Variants in CPED1 observed in about 807,000 individuals in gnomAD.
The protein encoded by CPED1 is cadherin-like and PC-esterase domain-containing protein 1.
Under a neutral mutation model 128.2 loss-of-function variants are expected in CPED1, and 114 were observed. The ratio of observed to expected loss-of-function variants is 0.89; its 90% confidence interval spans 0.76 to 1.04. The LOEUF is 1.04. CPED1 is among the 50% of genes least tolerant of loss of function. The pLI is 0.00. For synonymous variants in CPED1, 462 were observed against 426.7 expected (o/e 1.08, Z -1.02); for missense variants, 1,211 against 1,207.1 (o/e 1.00, Z -0.05).
At chr7:121,209,370 A>T (rs1445119894) in intron 16 of CPED1, among the ~76,000 whole-genome samples, 2 of 152,066 alleles carry the variant, frequency 1.3e-5, no homozygotes, top group African/African-American at 4.8e-5. Flanking sequence ...TCAGGAAATT[A>T]AAATTCTCTG....
At chr7:121,167,444 C>T (rs1796556115) in intron 16 of CPED1, among the ~76,000 whole-genome samples, 1 of 152,164 alleles carries the variant, frequency 6.6e-6, no homozygotes, top group African/African-American at 2.4e-5. Context: ...CTTCACCCTC[C>T]ACTAGTTCTG....
chr7:121,223,604 T>C (rs1008148287), intron 16 of CPED1, among the ~76,000 whole-genome samples: 2 of 152,184 alleles, frequency 1.3e-5, no homozygotes. Context: ...TTTTTTTGGT[T>C]GGTAGGCTAT....
chr7:121,213,487 G>T (rs757480354), intron 16 of CPED1, among the ~76,000 whole-genome samples: 4 of 151,976 alleles, frequency 2.6e-5, no homozygotes, highest in Non-Finnish European at 2.9e-5. Context: ...TTAAGAGTTA[G>T]GTGTACCTTA....
intron 3 of CPED1, among the ~76,000 whole-genome samples, chr7:121,040,170 G>A (rs1218281005): frequency 1.3e-5 from 2 of 152,062 alleles, no homozygotes; most frequent in East Asian, 1.9e-4. Context: ...CCAGCCACTT[G>A]AGGTGAAGAG....
intron 10 of CPED1, 121 bp downstream of exon 10, chr7:121,127,378 T>C (rs1795530327): frequency 1.7e-6 from 1 of 572,048 alleles, no homozygotes; most frequent in Non-Finnish European, 3.0e-6. Flanking sequence ...GTATCTATTA[T>C]ATCACACTTC....
At chr7:121,277,312 G>A (rs1483255256) in intron 22 of CPED1, among the ~76,000 whole-genome samples, 1 of 152,092 alleles carries the variant, frequency 6.6e-6, no homozygotes, top group Non-Finnish European at 1.5e-5. Context: ...TTGCCTGTAG[G>A]ACATCCAGGT....
chr7:121,105,898 C>G (rs1006586057), intron 7 of CPED1, among the ~76,000 whole-genome samples: 1 of 152,074 alleles, frequency 6.6e-6, no homozygotes, highest in Non-Finnish European at 1.5e-5. Context: ...GAAGGCTGAA[C>G]TTGGATGATT....
intron 16 of CPED1, among the ~76,000 whole-genome samples, chr7:121,157,117 A>T (rs960247560): frequency 6.6e-6 from 1 of 152,218 alleles, no homozygotes; most frequent in African/African-American, 2.4e-5. Flanking sequence ...GAGGATTGGC[A>T]TTACTAACCA....
intron 4 of CPED1, chr7:121,052,103 A>G (rs1264331500): frequency 1.3e-5 from 2 of 152,228 alleles, no homozygotes; most frequent in South Asian, 2.1e-4. Context: ...CACCAAATGC[A>G]TTGAGGAACA....
At chr7:121,087,921 A>G (rs1402108929) in intron 5 of CPED1, among the ~76,000 whole-genome samples, 1 of 151,946 alleles carries the variant, frequency 6.6e-6, no homozygotes, top group Non-Finnish European at 1.5e-5. Context: ...CAGCCTCCTA[A>G]AGTGCTGGGA....
In CPED1 at chr7:120,993,962, C is replaced by A. The variant is rs1366347429; in HGVS notation, c.249+4092C>A. The A allele has an allele frequency of 1.5e-5, 5 of 329,204 alleles. No individual in the cohort carries two copies. The East Asian group carries it at 4.9e-4, about 32-fold the overall frequency. 20.4% of individuals were successfully genotyped at this position (329,204 alleles called of 1,614,324 possible). A position where few individuals can be genotyped will look rare whatever the true frequency, so the allele number is the denominator to read the frequency against. On this transcript the variant is annotated intron_variant, in intron 2 of 22. Transcript: ENST00000310396. ...AAGCTCGCCCCTGGGTGGGGGTCGTCCTGCAGGTGCAAAGGTGAAGTGGAC... is the reference window on the plus strand; with the variant it reads ...AAGCTCGCCCCTGGGTGGGGGTCGTACTGCAGGTGCAAAGGTGAAGTGGAC...
In CPED1 at chr7:121,055,439, T is replaced by A. The variant is rs1261728151; in HGVS notation, c.540+8446T>A. On this transcript the variant is annotated intron_variant, in intron 4 of 22. Coordinates refer to ENST00000310396, the MANE Select transcript of CPED1 (RefSeq NM_024913.5). ...TTTTAATCTTTCTGTAAGCATATCA[T>A]TTATTTCAAGCTTTTATCTGATTGT... Among the ~76,000 whole-genome samples the A allele has an allele frequency of 2.6e-5, 4 of 152,016 alleles. No homozygotes were observed. The East Asian group carries it at 7.7e-4, about 29-fold the overall frequency.
chr7:121,246,832 T>C (rs1263607825), intron 18 of CPED1, among the ~76,000 whole-genome samples: 1 of 152,202 alleles, frequency 6.6e-6, no homozygotes, highest in Non-Finnish European at 1.5e-5. Flanking sequence ...AGTCCGTGCT[T>C]AAATGAGACT....
At chr7:121,162,018 G>T (rs1445300356) in intron 16 of CPED1, among the ~76,000 whole-genome samples, 10 of 152,190 alleles carry the variant, frequency 6.6e-5, no homozygotes, top group Non-Finnish European at 1.5e-5. Context: ...GTTCTTGTCA[G>T]ATTTTACCAC....
chr7:121,041,379 GAA>G (rs1328214709), intron 3 of CPED1, among the ~76,000 whole-genome samples: 1 of 10,386 alleles, frequency 9.6e-5, no homozygotes, highest in East Asian at 3.5e-3. Context: ...AACAAATACA[GAA>G]AAATATATAT....
intron 9 of CPED1, 69 bp downstream of exon 9, chr7:121,125,961 T>C: frequency 8.7e-7 from 1 of 1,146,046 alleles, no homozygotes; most frequent in Non-Finnish European, 1.3e-6. Flanking sequence ...TGTGTTGTTG[T>C]TGTTGTTTTC....
At chr7:121,098,721 C>T (rs1462276375) in intron 6 of CPED1, among the ~76,000 whole-genome samples, 1 of 133,528 alleles carries the variant, frequency 7.5e-6, no homozygotes, top group Non-Finnish European at 1.5e-5. Flanking sequence ...GACAGCAAGA[C>T]CTTGTCTCAA....
intron 16 of CPED1, among the ~76,000 whole-genome samples, chr7:121,195,903 G>A (rs990247839): frequency 3.9e-5 from 6 of 152,054 alleles, no homozygotes; most frequent in African/African-American, 1.4e-4. Flanking sequence ...GGGTTTTCTT[G>A]AATCCAGGAA....
At chr7:121,193,985 G>A (rs10085474) in intron 16 of CPED1, among the ~76,000 whole-genome samples, 135,128 of 137,712 alleles carry the variant, frequency 0.98, 66,347 homozygotes, top group Middle Eastern at 1. Context: ...CTATTAACAT[G>A]GATGAGCAAG....
Sources: gnomAD v4.1 joint callset for allele counts (sites outside exome capture counted in the v4.1 genomes callset) on GRCh38, gnomAD v4.1.1 for gene constraint, MANE v1.5 for transcripts, NCBI Gene and HGNC (gene_info 2026-07-23, HGNC 2026-07-21) for gene names.